PSD3: variants seen among roughly 807,000 people sequenced by gnomAD.
The protein encoded by PSD3 is PH and SEC7 domain-containing protein 3.
In PSD3, 49 loss-of-function variants were observed where a neutral mutation model predicts 105.5. The ratio of observed to expected loss-of-function variants is 0.46; its 90% CI spans 0.37 to 0.59. The LOEUF is 0.59. PSD3 is among the 20% of genes least tolerant of loss of function. The pLI is 0.00. For missense variants in PSD3, 1,561 were observed against 1,263.8 expected (o/e 1.24, Z -3.57); for synonymous variants, 557 against 457.8 (o/e 1.22, Z -2.77).
At chr8:18,903,071 T>C (rs191663735) in intron 2 of PSD3, among the ~76,000 whole-genome samples, 134 of 152,066 alleles carry the variant, frequency 8.8e-4, no homozygotes, top group Non-Finnish European at 1.4e-3. Context: ...TGTGAAAGGA[T>C]TGGATGTAAG....
intron 1 of PSD3, among the ~76,000 whole-genome samples, chr8:19,052,691 G>T (rs1176121889): frequency 1.3e-5 from 2 of 152,088 alleles, no homozygotes; most frequent in Admixed American, 6.5e-5. Context: ...GGTAATATCA[G>T]AATGGGTCAG....
At chr8:18,971,356 C>T (rs1824640901) in intron 1 of PSD3, among the ~76,000 whole-genome samples, 1 of 152,200 alleles carries the variant, frequency 6.6e-6, no homozygotes, top group African/African-American at 2.4e-5. Context: ...ACGGCCTCCC[C>T]TCAGTGGACA....
At chr8:18,587,604 A>T (rs1333128601) in intron 12 of PSD3, among the ~76,000 whole-genome samples, 1 of 152,168 alleles carries the variant, frequency 6.6e-6, no homozygotes, top group Non-Finnish European at 1.5e-5. Flanking sequence ...TCTTTCAGGC[A>T]TCAGTTCAAG....
At chr8:19,078,377 C>T (rs1829527119) in intron 1 of PSD3, among the ~76,000 whole-genome samples, 1 of 152,084 alleles carries the variant, frequency 6.6e-6, no homozygotes, top group Admixed American at 6.5e-5. Flanking sequence ...TTTTATAGTA[C>T]ATTTATAGAT....
chr8:18,777,256 T>C (rs1250041107), intron 8 of PSD3, among the ~76,000 whole-genome samples: 2 of 152,152 alleles, frequency 1.3e-5, no homozygotes, highest in South Asian at 2.1e-4. Context: ...TTGGCCAGGA[T>C]GGTCTCGATC....
chr8:19,059,358 C>T (rs996159362), intron 1 of PSD3, among the ~76,000 whole-genome samples: 2 of 151,706 alleles, frequency 1.3e-5, no homozygotes, highest in Non-Finnish European at 2.9e-5. Context: ...GCTACTTCTG[C>T]GGATGATGGA....
chr8:19,042,120 G>C (rs1234268195), intron 1 of PSD3, among the ~76,000 whole-genome samples: 1 of 152,196 alleles, frequency 6.6e-6, no homozygotes, highest in African/African-American at 2.4e-5. Flanking sequence ...ATGAGAAACA[G>C]CTGAATGAAC....
intron 9 of PSD3, among the ~76,000 whole-genome samples, chr8:18,707,174 T>C (rs1230317695): frequency 6.6e-6 from 1 of 152,124 alleles, no homozygotes; most frequent in South Asian, 2.1e-4. Context: ...CCTGTCCAAA[T>C]CCTACCCATC....
intron 15 of PSD3, among the ~76,000 whole-genome samples, chr8:18,538,215 T>A (rs1013573787): frequency 1.3e-5 from 2 of 152,244 alleles, no homozygotes; most frequent in African/African-American, 4.8e-5. Context: ...TTATCAAGTA[T>A]TGTTATTTGC....
chr8:18,948,786 A>G (rs1388120193), intron 1 of PSD3, among the ~76,000 whole-genome samples: 2 of 152,110 alleles, frequency 1.3e-5, no homozygotes, highest in African/African-American at 2.4e-5. Flanking sequence ...AATCCACTCT[A>G]TATTTTTAAA....
chr8:18,840,495 G>A (rs1814530760), intron 4 of PSD3, among the ~76,000 whole-genome samples: 1 of 140,980 alleles, frequency 7.1e-6, no homozygotes, highest in South Asian at 2.4e-4. Flanking sequence ...AAAAACGATA[G>A]TTAGTGTGTA....
At chr8:19,009,121 G>C (rs1826836872) in intron 1 of PSD3, among the ~76,000 whole-genome samples, 1 of 152,186 alleles carries the variant, frequency 6.6e-6, no homozygotes, top group Non-Finnish European at 1.5e-5. Flanking sequence ...GTCCTACAGA[G>C]ATCCTTTTAG....
intron 9 of PSD3, among the ~76,000 whole-genome samples, chr8:18,708,004 G>T (rs1022102004): frequency 2.0e-5 from 3 of 152,126 alleles, no homozygotes; most frequent in African/African-American, 7.2e-5. Flanking sequence ...TCTTGTACCA[G>T]GTAATAAACC....
intron 2 of PSD3, among the ~76,000 whole-genome samples, chr8:18,913,871 T>C (rs1438145960): frequency 1.3e-5 from 2 of 152,098 alleles, no homozygotes; most frequent in Non-Finnish European, 1.5e-5. Flanking sequence ...CTCAGGCTCC[T>C]ACCCCAACCC....
upstream of PSD3, among the ~76,000 whole-genome samples, chr8:19,016,764 A>C (rs1827191344): frequency 6.6e-6 from 1 of 152,242 alleles, no homozygotes; most frequent in Non-Finnish European, 1.5e-5. Flanking sequence ...GCAACAGCAC[A>C]TGGTGAGGGT....
intron 9 of PSD3, among the ~76,000 whole-genome samples, chr8:18,752,613 ATAT>A (rs1401936053): frequency 1.4e-5 from 1 of 70,672 alleles, no homozygotes; most frequent in Non-Finnish European, 2.4e-5. Context: ...TATATAATAC[ATAT>A]AATATATATT....
intron 2 of PSD3, among the ~76,000 whole-genome samples, chr8:18,873,794 T>C (rs1206023361): frequency 2.6e-5 from 4 of 152,210 alleles, no homozygotes; most frequent in Non-Finnish European, 5.9e-5. Flanking sequence ...CTCAACATTT[T>C]AGATTCTACA....
chr8:18,718,464 C>T (rs954746304), intron 9 of PSD3, among the ~76,000 whole-genome samples: 3 of 152,208 alleles, frequency 2.0e-5, no homozygotes, highest in Non-Finnish European at 4.4e-5. Flanking sequence ...CATTTAGCTT[C>T]ATAGACAGAT....
rs1012474873 is a variant in PSD3, at chr8:18,741,467, T to C, written c.2172+23982A>G. 2.8e-4 allele frequency among the ~76,000 whole-genome samples: 42 copies of C among 152,280 alleles called. 1 individual carries two copies. The highest frequency in any genetic ancestry group is 3.4e-3 in the Middle Eastern group (1 of 294). On this transcript the variant is annotated intron_variant, in intron 9 of 15. Transcript: ENST00000327040. Reference sequence around the variant, plus strand: ...GTCCATGGGAGTAGCTTATATCATATTAAAATCTTAGAATTTCAGTGTGCA... The same window carrying C: ...GTCCATGGGAGTAGCTTATATCATACTAAAATCTTAGAATTTCAGTGTGCA...
Sources: gnomAD v4.1 joint callset for allele counts (sites outside exome capture counted in the v4.1 genomes callset) on GRCh38, gnomAD v4.1.1 for gene constraint, MANE v1.5 for transcripts, NCBI Gene and HGNC (gene_info 2026-07-23, HGNC 2026-07-21) for gene names.